Variants in CRB2 observed in about 807,000 individuals in gnomAD.
CRB2 encodes the protein crumbs cell polarity complex component 2, also known as protein crumbs homolog 2.
CRB2 carries 85 observed loss-of-function variants against 110.9 expected under a neutral mutation model. That is an observed-to-expected ratio of 0.77 (90% CI 0.64 to 0.92). CRB2 has a LOEUF of 0.92. CRB2 is among the 40% of genes least tolerant of loss of function. CRB2 has a pLI of 0.00. For synonymous variants in CRB2, 907 were observed against 831.0 expected (o/e 1.09, Z -1.57); for missense variants, 1,843 against 1,851.3 (o/e 1.00, Z 0.08).
intron 4 of CRB2, 39 bp downstream of exon 4, chr9:123,366,405 G>T: frequency 6.6e-7 from 1 of 1,517,024 alleles, no homozygotes; most frequent in African/African-American, 1.4e-5. Context: ...GGGGGGAGGG[G>T]TAGGTGTGCG....
chr9:123,356,442 G>C, intron 1 of CRB2, 88 bp downstream of exon 1: 1 of 1,118,816 alleles, frequency 8.9e-7, no homozygotes, highest in Non-Finnish European at 1.2e-6. Context: ...GGGGTGGTGG[G>C]TGGGCTGGTC....
At chr9:123,367,127 C>A in intron 4 of CRB2, 45 bp from the exon 5 acceptor site, 1 of 1,514,112 alleles carries the variant, frequency 6.6e-7, no homozygotes. Context: ...GAGGTGCTGC[C>A]CGGCAACCCC....
At chr9:123,356,144 G>A, upstream of CRB2, 7 of 593,794 alleles carry the variant, frequency 1.2e-5, no homozygotes, top group Non-Finnish European at 1.8e-5. Flanking sequence ...AGGGGAGGGA[G>A]GGGCTGGGCC....
rs2042026581 is a variant in CRB2 at position 123,372,202 on chromosome 9, C to A, written c.2462C>A (p.Thr821Asn). The stretch of plus-strand genomic sequence containing the variant: ...CCTGACCCCTGTTTCAATGGTGGGA[C>A]TTGCCTCGTCACCTGGAATGACTTC... Reference protein sequence around the residue: ...CSPDPCFNGGTCLVTWNDFHC... With the variant: ...CSPDPCFNGGNCLVTWNDFHC... Residue 821 changes from threonine to asparagine, a missense_variant, in exon 9 of 13, where the codon ACT becomes AAT. Coordinates refer to ENST00000373631, the MANE Select transcript of CRB2 (RefSeq NM_173689.7). 1.2e-6 allele frequency: 2 copies of A among 1,613,994 alleles called. No individual in the cohort carries two copies. The highest frequency in any genetic ancestry group is 2.2e-5 in the South Asian group (2 of 91,082).
intron 1 of CRB2, among the ~76,000 whole-genome samples, chr9:123,357,905 C>G (rs2041818866): frequency 6.6e-6 from 1 of 152,270 alleles, no homozygotes; most frequent in Non-Finnish European, 1.5e-5. Context: ...CATTCACACT[C>G]AGTGTGCACT....
intron 9 of CRB2, 122 bp from the exon 10 acceptor site, chr9:123,373,012 A>AG: frequency 1.4e-6 from 1 of 736,066 alleles, no homozygotes; most frequent in African/African-American, 1.9e-5. Context: ...ATTAGATGAT[A>AG]GGTGGGTGCG....
rs2042079279 is a variant in CRB2 at position 123,374,815 on chromosome 9, C to T, written c.3506+120C>T. The T allele has an allele frequency of 4.5e-6, 3 of 661,760 alleles. No individual in the cohort carries two copies. In the South Asian group the frequency reaches 5.6e-5, roughly 12 times the overall value. The allele number at this position is 661,760 out of a possible 1,614,324, so 41.0% of individuals were successfully genotyped here. A position where few individuals can be genotyped will look rare whatever the true frequency, so the allele number is the denominator to read the frequency against. ...TCACCCCTCCCTGGTATCACAGTCA[C>T]CATTGTCACTTGAGTTTCCTTCCAT... On this transcript the variant is annotated intron_variant, in intron 11 of 12. Coordinates refer to ENST00000373631, the MANE Select transcript of CRB2 (RefSeq NM_173689.7).
chr9:123,365,582 C>T (rs1000678947), intron 2 of CRB2, among the ~76,000 whole-genome samples: 2 of 152,350 alleles, frequency 1.3e-5, no homozygotes, highest in Middle Eastern at 3.4e-3. Flanking sequence ...CTGAACAGAG[C>T]AGACCCCGGC....
chr9:123,355,389 G>A (rs141202981), upstream of CRB2, among the ~76,000 whole-genome samples: 10 of 152,070 alleles, frequency 6.6e-5, no homozygotes, highest in Admixed American at 2.0e-4. Flanking sequence ...CAGTGAGGTC[G>A]CTGGAGTTGC....
At chr9:123,367,080 G>T (rs2041943136) in intron 4 of CRB2, 92 bp from the exon 5 acceptor site, 3 of 1,349,748 alleles carry the variant, frequency 2.2e-6, no homozygotes, top group South Asian at 1.5e-5. Flanking sequence ...CCGAGCTGCG[G>T]TCCCTTGCTG....
chr9:123,361,991 G>A (rs1455407047), intron 1 of CRB2, among the ~76,000 whole-genome samples: 1 of 152,206 alleles, frequency 6.6e-6, no homozygotes, highest in Admixed American at 6.5e-5. Flanking sequence ...CCCCGGTGCT[G>A]GAAGCATCAT....
Position 123,363,001 on chromosome 9 carries a change from C to T in CRB2, c.231C>T (p.His77=). 1 of 1,612,688 alleles carries T rather than the reference C, an allele frequency of 6.2e-7. No individual in the cohort carries two copies. Among genetic ancestry groups the T allele is most frequent in the Non-Finnish European group, 8.5e-7 (1 of 1,179,858 alleles). The change falls in exon 2 of 13, where the codon CAC becomes CAT. Residue 77 remains histidine, a synonymous_variant. Transcript: ENST00000373631. ...EPRGCATQPC[H]HGALCVPQGP... ...GGGGCTGTGCCACCCAGCCATGCCA[C>T]CACGGCGCTCTGTGTGTGCCCCAGG...
rs921115978 is a variant in CRB2 at position 123,361,142 on chromosome 9, G to GGGGC, written c.95-1720_95-1719insCGGG. Among the ~76,000 whole-genome samples the GGGGC allele has an allele frequency of 3.8e-3, 575 of 150,236 alleles. 13 individuals are homozygous for GGGGC. Among genetic ancestry groups the GGGGC allele is most frequent in the Non-Finnish European group, 4.5e-3 (304 of 67,594 alleles). On this transcript the variant is annotated intron_variant, in intron 1 of 12. Transcript: ENST00000373631. ...TTCAGATTGGATGGGCGGGGAGGGG[G>GGGGC]GGGGGTTCCTTGCACTGCACAGGTG...
intron 3 of CRB2, 37 bp downstream of exon 3, chr9:123,366,149 G>A (rs1355654424): frequency 1.4e-6 from 2 of 1,380,720 alleles, no homozygotes; most frequent in Non-Finnish European, 1.9e-6. Context: ...GGGGCGCCGG[G>A]TGCCCGAGGG....
chr9:123,359,453 T>TTTG (rs1245869141), intron 1 of CRB2, among the ~76,000 whole-genome samples: 1 of 136,906 alleles, frequency 7.3e-6, no homozygotes, highest in Admixed American at 7.5e-5. Context: ...TTTTTTTTTT[T>TTTG]TTTTTTTTTT....
chr9:123,370,920 C>A lies in CRB2; in HGVS notation c.1867C>A (p.Leu623Met). 6.2e-7 allele frequency: 1 copy of A among 1,612,594 alleles called. No homozygotes were observed. Among genetic ancestry groups the A allele is most frequent in the Non-Finnish European group, 8.5e-7 (1 of 1,179,322 alleles). ...TGTCCACGGAGGGTCCTGTGTGGAT[C>A]TGTGGACTCATTTCCGTTGCGACTG... is the stretch of plus-strand genomic sequence containing the variant. ...PCVHGGSCVD[L>M]WTHFRCDCAR... Residue 623 changes from leucine (L) to methionine (M), a missense_variant, in exon 7 of 13, where the codon CTG becomes ATG. Leu to Met is a conservative substitution (Grantham distance 15). Transcript: ENST00000373631.
rs575676072 is a variant in CRB2, at chr9:123,371,258, C to T, written c.2116C>T (p.Arg706Trp). 4.6e-5 allele frequency: 75 copies of T among 1,613,962 alleles called. 1 individual carries two copies. The East Asian group carries it at 1.1e-3, about 23-fold the overall frequency. ...LTVFLSEGRI[R>W]AEVPGSPAVV... is the part of the protein sequence containing the mutation. ...AGTATTCCTGAGTGAGGGTCGGATCCGGGCTGAGGTGCCGGGCAGTCCTGC... is the reference window on the plus strand; with the variant it reads ...AGTATTCCTGAGTGAGGGTCGGATCTGGGCTGAGGTGCCGGGCAGTCCTGC... The change falls in exon 8 of 13, where the codon CGG becomes TGG. Residue 706 changes from arginine (R) to tryptophan (W), a missense_variant. Arg to Trp is a moderately radical substitution (Grantham distance 101, BLOSUM62 -3). Coordinates refer to ENST00000373631, the MANE Select transcript of CRB2 (RefSeq NM_173689.7).
upstream of CRB2, among the ~76,000 whole-genome samples, chr9:123,355,725 A>T: frequency 2.0e-5 from 1 of 49,896 alleles, no homozygotes. Context: ...GGGGAGCAGC[A>T]GGTGGGGGGA....
chr9:123,370,976 TGATGGTGAG>T lies in CRB2; in HGVS notation c.1926_1927+7del. 6.2e-7 allele frequency: 1 copy of T among 1,602,466 alleles called. No individual in the cohort carries two copies. Among genetic ancestry groups the T allele is most frequent in the South Asian group, 1.1e-5 (1 of 89,780 alleles). The stretch of plus-strand genomic sequence containing the variant: ...GGCCCCATAGAGGTCCCACGTGCGC[TGATGGTGAG>T]GAATAAGCCAGGTGGGAAGGCAGCA... On this transcript the variant is annotated splice_donor_variant and splice_donor_5th_base_variant and coding_sequence_variant and intron_variant, in exon 7 of 13. Coordinates refer to ENST00000373631, the MANE Select transcript of CRB2 (RefSeq NM_173689.7). LOFTEE classifies it high-confidence loss of function.
Sources: gnomAD v4.1 joint callset for allele counts (sites outside exome capture counted in the v4.1 genomes callset) on GRCh38, gnomAD v4.1.1 for gene constraint, MANE v1.5 for transcripts, NCBI Gene and HGNC (gene_info 2026-07-23, HGNC 2026-07-21) for gene names.